Variants in ANKFN1 observed in about 807,000 individuals in gnomAD.
ANKFN1 encodes ankyrin repeat and fibronectin type-III domain-containing protein 1.
A neutral mutation model predicts 108.7 loss-of-function variants in ANKFN1; 74 were observed. The ratio of observed to expected loss-of-function variants is 0.68; its 90% CI spans 0.56 to 0.83. The LOEUF (loss-of-function observed/expected upper bound fraction) is 0.83. Ranked by LOEUF, ANKFN1 falls within the 40% of genes least tolerant of loss-of-function variation. The probability of loss-of-function intolerance (pLI) is 0.00; values close to 1 mark genes in which losing one functional copy is unlikely to be tolerated. For synonymous variants in ANKFN1, 547 were observed against 516.2 expected, an observed-to-expected ratio of 1.06 and a Z score of -0.81; for missense variants, 1,505 against 1,382.3, an observed-to-expected ratio of 1.09 and a Z score of -1.41.
intron 4 of ANKFN1, among the ~76,000 whole-genome samples, chr17:56,104,358 A>C (rs1905702469): frequency 6.6e-6 from 1 of 152,244 alleles, no homozygotes; most frequent in Admixed American, 6.5e-5. Context: ...TTTGTGAAAC[A>C]CTTGTCAAAG....
chr17:56,214,072 C>A (rs1915243323), intron 2 of ANKFN1, among the ~76,000 whole-genome samples: 1 of 152,154 alleles, frequency 6.6e-6, no homozygotes, highest in Non-Finnish European at 1.5e-5. Flanking sequence ...TAATTTAAAA[C>A]ATTTTAGTAT....
At chr17:56,480,908 T>A in intron 17 of ANKFN1, 90 bp downstream of exon 17, 1 of 1,335,818 alleles carries the variant, frequency 7.5e-7, no homozygotes, top group South Asian at 1.4e-5. Context: ...TGTGTGTGTG[T>A]GTGTGTGTGT....
intron 4 of ANKFN1, among the ~76,000 whole-genome samples, chr17:56,089,818 T>C (rs1905379649): frequency 6.6e-6 from 1 of 151,248 alleles, no homozygotes; most frequent in South Asian, 2.1e-4. Context: ...ACCAGCCGGG[T>C]CATCTCCAGC....
At chr17:56,367,899 A>T (rs1309949195) in intron 6 of ANKFN1, among the ~76,000 whole-genome samples, 1 of 152,214 alleles carries the variant, frequency 6.6e-6, no homozygotes, top group Non-Finnish European at 1.5e-5. Context: ...ACAATCAGGA[A>T]ATTGTAATAT....
At position 56,475,328 on chromosome 17, in the gene ANKFN1, A is replaced by T. The variant is rs1384406266; in HGVS notation, c.1774-2160A>T. On this transcript the variant is annotated intron_variant, in intron 15 of 20. Coordinates refer to ENST00000682825, the MANE Select transcript of ANKFN1 (RefSeq NM_001370326.1). ...AGGGATGACATCATATTCATCTGAA[A>T]CCCCAATGTCTCACATGGTGCCTGA... 1.3e-5 allele frequency among the ~76,000 whole-genome samples: 2 copies of T among 152,168 alleles called. 1 individual carries two copies. Among genetic ancestry groups the T allele is most frequent in the South Asian group, 4.1e-4 (2 of 4,832 alleles).
intron 3 of ANKFN1, among the ~76,000 whole-genome samples, chr17:56,270,119 G>A (rs778905564): frequency 2.0e-5 from 3 of 152,052 alleles, no homozygotes; most frequent in Non-Finnish European, 4.4e-5. Context: ...GCATGTTCGT[G>A]CTTGAGTTGA....
intron 8 of ANKFN1, among the ~76,000 whole-genome samples, chr17:56,402,880 C>A (rs12948834): frequency 2.0e-5 from 3 of 151,830 alleles, no homozygotes; most frequent in Non-Finnish European, 4.4e-5. Context: ...TTGCTGTATC[C>A]CAGAGGTTTC....
intron 3 of ANKFN1, among the ~76,000 whole-genome samples, chr17:56,251,674 G>T (rs1189690329): frequency 6.6e-6 from 1 of 152,020 alleles, no homozygotes; most frequent in African/African-American, 2.4e-5. Context: ...TGTTTTGATG[G>T]TAACAACCAA....
At chr17:56,475,188 G>T (rs572731311) in intron 15 of ANKFN1, among the ~76,000 whole-genome samples, 1 of 152,228 alleles carries the variant, frequency 6.6e-6, no homozygotes, top group South Asian at 2.1e-4. Context: ...AAAATAACAC[G>T]AAAGAAAAAT....
intron 4 of ANKFN1, among the ~76,000 whole-genome samples, chr17:56,142,024 A>G (rs1189567229): frequency 7.2e-6 from 1 of 139,320 alleles, no homozygotes; most frequent in African/African-American, 2.8e-5. Context: ...TCTGCCTCCC[A>G]GGTTCCAGTG....
At chr17:56,217,359 C>T (rs577112793) in intron 2 of ANKFN1, among the ~76,000 whole-genome samples, 8 of 152,334 alleles carry the variant, frequency 5.3e-5, no homozygotes, top group African/African-American at 1.7e-4. Flanking sequence ...AGACCATTTC[C>T]TCATGGTTTC....
At chr17:56,086,020 CATTA>C (rs1421949773) in intron 4 of ANKFN1, among the ~76,000 whole-genome samples, 3 of 150,616 alleles carry the variant, frequency 2.0e-5, no homozygotes, top group Non-Finnish European at 4.4e-5. Context: ...TGTAATATAG[CATTA>C]AATAAATAAT....
At chr17:56,389,008 C>CAAAAAAAAAAAAAAAAAATAA in intron 8 of ANKFN1, among the ~76,000 whole-genome samples, 1 of 92,996 alleles carries the variant, frequency 1.1e-5, no homozygotes, top group Non-Finnish European at 2.3e-5. Flanking sequence ...TTGGCAATTT[C>CAAAAAAAAAAAAAAAAAATAA]AAAAAAAAAA....
At chr17:56,067,764 G>T (rs912448163) in intron 4 of ANKFN1, among the ~76,000 whole-genome samples, 1 of 152,140 alleles carries the variant, frequency 6.6e-6, no homozygotes, top group African/African-American at 2.4e-5. Flanking sequence ...TACCAGCTGC[G>T]AGTAAATTTT....
At chr17:56,331,962 T>C (rs1156671834) in intron 4 of ANKFN1, among the ~76,000 whole-genome samples, 2 of 152,150 alleles carry the variant, frequency 1.3e-5, no homozygotes, top group East Asian at 1.9e-4. Flanking sequence ...CTTTTATATA[T>C]GTTGGCTTCC....
intron 2 of ANKFN1, 99 bp from the exon 3 acceptor site, chr17:56,227,818 T>C (rs1916398102): frequency 2.2e-6 from 2 of 929,158 alleles, no homozygotes; most frequent in East Asian, 2.7e-5. Context: ...TTCTCTCTCT[T>C]TTTTTTTTCA....
At chr17:56,391,245 A>ATATATATATATATATG (rs1567967057) in intron 8 of ANKFN1, among the ~76,000 whole-genome samples, 2 of 30,386 alleles carry the variant, frequency 6.6e-5, no homozygotes, top group African/African-American at 9.8e-5. Flanking sequence ...ATATATATAT[A>ATATATATATATATATG]TATGTATGTG....
rs192248600 is a variant in ANKFN1, at chr17:56,348,047, G to T, written c.189-2719G>T. 3.1e-4 allele frequency among the ~76,000 whole-genome samples: 47 copies of T among 152,158 alleles called. No homozygotes were observed. In the East Asian group the frequency reaches 8.5e-3, roughly 28 times the overall value. On this transcript the variant is annotated intron_variant, in intron 4 of 20. Transcript: ENST00000682825. ...AAAAGCTAGAGACAGAAGGCAGAAA[G>T]AAAGAGGTTAAGGCAATCCCCATGT...
chr17:56,451,187 T>C (rs1376057788), intron 11 of ANKFN1, among the ~76,000 whole-genome samples: 3 of 152,186 alleles, frequency 2.0e-5, no homozygotes, highest in Non-Finnish European at 2.9e-5. Flanking sequence ...ATTTAAAATA[T>C]ACTTTAGAAT....
Sources: gnomAD v4.1 joint callset for allele counts (sites outside exome capture counted in the v4.1 genomes callset) on GRCh38, gnomAD v4.1.1 for gene constraint, MANE v1.5 for transcripts, NCBI Gene and HGNC (gene_info 2026-07-23, HGNC 2026-07-21) for gene names.